Variants in STAB2 observed in about 807,000 individuals in gnomAD.
STAB2 encodes stabilin-2.
In STAB2, 288 loss-of-function variants were observed where a neutral mutation model predicts 338.1. The observed-to-expected ratio is 0.85, with a 90% CI of 0.77 to 0.94. STAB2 has a LOEUF of 0.94. Among genes scored for constraint, STAB2 ranks in the 40% least tolerant of loss-of-function variants. The probability of loss-of-function intolerance (pLI) is 0.00; values close to 1 mark genes in which losing one functional copy is unlikely to be tolerated. For synonymous variants in STAB2, 1,202 were observed against 1,193.3 expected, an observed-to-expected ratio of 1.01 and a Z score of -0.15; for missense variants, 3,141 against 3,210.1, an observed-to-expected ratio of 0.98 and a Z score of 0.52.
chr12:103,750,721 G>A lies in STAB2; in HGVS notation c.6580+1G>A, dbSNP rs755366193. ...AAATGTGTCGACCTCCACTTCCAGG[G>A]TTAGTGTGACCAGGGCCTATGGCCC... On this transcript the variant is annotated splice_donor_variant, in intron 60 of 68. Coordinates refer to ENST00000388887, the MANE Select transcript of STAB2 (RefSeq NM_017564.10). LOFTEE classifies it high-confidence loss of function. The A allele has an allele frequency of 8.7e-6, 14 of 1,612,080 alleles. No individual in the cohort carries two copies. The highest frequency in any genetic ancestry group is 1.1e-5 in the Non-Finnish European group (13 of 1,178,488).
In STAB2 at chr12:103,737,695, TG is replaced by T. The variant is rs747832272; in HGVS notation, c.5615del (p.Gly1872ValfsTer10). The T allele has an allele frequency of 5.6e-6, 9 of 1,611,882 alleles. No homozygotes were observed. The Admixed American group carries it at 1.3e-4, about 24-fold the overall frequency. ...GTGCAGCGGGAGCTCTTGTTTGACC[TG>T]GGTGTGGCCTACGGCATTGACTGTC... ...RIVQRELLFD[L>X]GVAYGIDCLL... is the part of the protein sequence containing the mutation. On this transcript the variant is annotated frameshift_variant, in exon 53 of 69. Coordinates refer to ENST00000388887, the MANE Select transcript of STAB2 (RefSeq NM_017564.10). LOFTEE classifies it high-confidence loss of function.
Position 103,655,564 on chromosome 12 carries a change from T to C in STAB2, c.1717T>C (p.Tyr573His). The C allele has an allele frequency of 6.2e-7, 1 of 1,613,940 alleles. No individual in the cohort carries two copies. Among genetic ancestry groups the C allele is most frequent in the Non-Finnish European group, 8.5e-7 (1 of 1,179,996 alleles). Residue 573 changes from tyrosine to histidine, a missense_variant, in exon 15 of 69, where the codon TAC becomes CAC. Coordinates refer to ENST00000388887, the MANE Select transcript of STAB2 (RefSeq NM_017564.10). ...LNNMKDGTLD[Y>H]LLSPEGSRKL... ...TAACATGAAGGACGGCACTCTCGATTACCTCCTTTCTCCAGAGGTACCGTA... is the reference window on the plus strand; with the variant it reads ...TAACATGAAGGACGGCACTCTCGATCACCTCCTTTCTCCAGAGGTACCGTA...
At position 103,763,466 on chromosome 12, in the gene STAB2, GCTTTCATGCTTGT is replaced by G; in HGVS notation, c.7489-20_7489-8del. 1.2e-6 allele frequency: 2 copies of G among 1,609,772 alleles called. No individual in the cohort carries two copies. Among genetic ancestry groups the G allele is most frequent in the Non-Finnish European group, 1.7e-6 (2 of 1,176,492 alleles). ...CGCTCCTGCTTTGGGGATGCTCCTG[GCTTTCATGCTTGT>G]CTTTCCAAACAGTCGGAAGAGGACA... is the stretch of plus-strand genomic sequence containing the variant. On this transcript the variant is annotated splice_polypyrimidine_tract_variant and intron_variant, in intron 67 of 68. Coordinates refer to ENST00000388887, the MANE Select transcript of STAB2 (RefSeq NM_017564.10).
At chr12:103,682,234 C>A (rs1242429724) in intron 25 of STAB2, among the ~76,000 whole-genome samples, 1 of 152,092 alleles carries the variant, frequency 6.6e-6, no homozygotes, top group Admixed American at 6.6e-5. Context: ...ACCCAGGATT[C>A]ATTCTCTTTC....
intron 27 of STAB2, among the ~76,000 whole-genome samples, chr12:103,686,703 G>A (rs1291579161): frequency 1.3e-5 from 2 of 152,070 alleles, no homozygotes; most frequent in Non-Finnish European, 2.9e-5. Flanking sequence ...ACAGGGTCTC[G>A]CCATGTGAGA....
intron 6 of STAB2, among the ~76,000 whole-genome samples, chr12:103,633,922 T>A (rs1398831330): frequency 6.6e-6 from 1 of 152,180 alleles, no homozygotes; most frequent in African/African-American, 2.4e-5. Context: ...TTTGAAGGTA[T>A]GCTTATAGTA....
intron 8 of STAB2, 135 bp from the exon 9 acceptor site, chr12:103,639,988 T>C: frequency 9.6e-7 from 1 of 1,045,836 alleles, no homozygotes; most frequent in East Asian, 2.7e-5. Context: ...TTTGACAAAT[T>C]TTTAGTTTAA....
chr12:103,757,834 T>G (rs544126152), intron 63 of STAB2: 109 of 301,068 alleles, frequency 3.6e-4, no homozygotes, highest in African/African-American at 2.2e-3. Context: ...TGAGCTGTTA[T>G]GAAGACTTGG....
At chr12:103,631,768 G>C (rs1957467146) in intron 6 of STAB2, 75 bp downstream of exon 6, 1 of 1,445,828 alleles carries the variant, frequency 6.9e-7, no homozygotes, top group Non-Finnish European at 9.7e-7. Flanking sequence ...TTTTGTATCT[G>C]TTACTGGTTC....
chr12:103,589,490 G>T (rs965069267), intron 1 of STAB2, among the ~76,000 whole-genome samples: 1 of 152,190 alleles, frequency 6.6e-6, no homozygotes, highest in Non-Finnish European at 1.5e-5. Flanking sequence ...GGGTTCAAGA[G>T]ATCCTACCCC....
rs752719021 is a variant in STAB2 at position 103,660,390 on chromosome 12, C to G, written c.1788+6C>G. ...ACATTGTCCCATTTACCCAGGTTGG[C>G]CCCACTTTTCCTGCTGCTACTTTCT... On this transcript the variant is annotated splice_donor_region_variant and intron_variant, in intron 16 of 68. Transcript: ENST00000388887. 1.2e-5 allele frequency: 19 copies of G among 1,613,968 alleles called. No homozygotes were observed. Among genetic ancestry groups the G allele is most frequent in the Non-Finnish European group, 1.4e-5 (17 of 1,179,956 alleles).
Position 103,637,994 on chromosome 12 carries a change from C to T in STAB2, c.710-22C>T, listed in dbSNP as rs79826791. The T allele has an allele frequency of 1.6e-3, 2,588 of 1,599,420 alleles. 38 individuals carry two copies. The African/African-American group carries it at 0.027, about 17-fold the overall frequency. On this transcript the variant is annotated intron_variant, in intron 7 of 68. Coordinates refer to ENST00000388887, the MANE Select transcript of STAB2 (RefSeq NM_017564.10). ...CCATCCCCGTTAACTAACTGCCTCT[C>T]ATTTTGCTGTTGCCTCTCAAGCCAT...
intron 22 of STAB2, among the ~76,000 whole-genome samples, chr12:103,672,933 G>T (rs888237207): frequency 4.6e-5 from 7 of 152,162 alleles, no homozygotes; most frequent in African/African-American, 1.7e-4. Context: ...TTAGCAGCAA[G>T]TTGGGCAACT....
chr12:103,632,915 T>C (rs764338117), intron 6 of STAB2, among the ~76,000 whole-genome samples: 62 of 152,232 alleles, frequency 4.1e-4, no homozygotes, highest in Non-Finnish European at 5.7e-4. Context: ...CTCGGGACTT[T>C]AGTCTCCTGT....
At chr12:103,699,498 G>A (rs551702894) in intron 34 of STAB2, among the ~76,000 whole-genome samples, 14 of 152,272 alleles carry the variant, frequency 9.2e-5, no homozygotes, top group African/African-American at 2.4e-4. Flanking sequence ...AAGACAGCTC[G>A]TGCAGGAAAC....
intron 5 of STAB2, among the ~76,000 whole-genome samples, chr12:103,625,825 G>T (rs1359080639): frequency 6.6e-6 from 1 of 152,172 alleles, no homozygotes; most frequent in Non-Finnish European, 1.5e-5. Context: ...ACATGTGTGT[G>T]CATGTGTCTT....
At chr12:103,609,646 G>A (rs938443556) in intron 3 of STAB2, among the ~76,000 whole-genome samples, 1 of 152,086 alleles carries the variant, frequency 6.6e-6, no homozygotes, top group Non-Finnish European at 1.5e-5. Context: ...GGGACAATTT[G>A]ACTTCCTCTT....
chr12:103,763,741 A>C, intron 68 of STAB2, 133 bp downstream of exon 68: 1 of 892,834 alleles, frequency 1.1e-6, no homozygotes, highest in Non-Finnish European at 1.7e-6. Flanking sequence ...AACAAGCCTA[A>C]AAGCCAGTTT....
chr12:103,631,642 G>A lies in STAB2; in HGVS notation c.532G>A (p.Asp178Asn), dbSNP rs149132285. The change falls in exon 6 of 69, where the codon GAT becomes AAT. Residue 178 changes from aspartate (D) to asparagine (N), a missense_variant. Asp to Asn is a conservative substitution (Grantham distance 23). Coordinates refer to ENST00000388887, the MANE Select transcript of STAB2 (RefSeq NM_017564.10). ...GGTGTGCAACAGTGGACTAGATGGC[G>A]ATGGAACCTGTGAGTGCTACTCTGC... ...HGVCNSGLDG[D>N]GTCECYSAYT... 1.3e-3 allele frequency: 2,079 copies of A among 1,614,172 alleles called. 25 individuals carry two copies. The African/African-American group carries it at 0.024, about 18-fold the overall frequency.
Sources: gnomAD v4.1 joint callset for allele counts (sites outside exome capture counted in the v4.1 genomes callset) on GRCh38, gnomAD v4.1.1 for gene constraint, MANE v1.5 for transcripts, NCBI Gene and HGNC (gene_info 2026-07-23, HGNC 2026-07-21) for gene names.